KCNN3: variants seen among roughly 807,000 people sequenced by gnomAD.
KCNN3 encodes small conductance calcium-activated potassium channel protein 3.
A neutral mutation model predicts 62.9 loss-of-function variants in KCNN3; 16 were observed. The ratio of observed to expected loss-of-function variants is 0.25; its 90% confidence interval spans 0.17 to 0.39. KCNN3 has a LOEUF of 0.39. Among genes scored for constraint, KCNN3 ranks in the 10% least tolerant of loss-of-function variants. The pLI is 1.00. For missense variants in KCNN3, 599 were observed against 949.4 expected (o/e 0.63, Z 4.85); for synonymous variants, 370 against 389.2 (o/e 0.95, Z 0.58).
At chr1:154,836,168 G>A (rs1436015645) in intron 1 of KCNN3, among the ~76,000 whole-genome samples, 1 of 152,126 alleles carries the variant, frequency 6.6e-6, no homozygotes, top group Admixed American at 6.5e-5. Flanking sequence ...ATGCAAACAA[G>A]GACACCCAGC....
At chr1:154,723,152 AAGTC>A (rs779346595) in intron 5 of KCNN3, among the ~76,000 whole-genome samples, 1 of 152,192 alleles carries the variant, frequency 6.6e-6, no homozygotes, top group Non-Finnish European at 1.5e-5. Flanking sequence ...GAGCAGGTCA[AAGTC>A]AGCTCAAACC....
intron 5 of KCNN3, among the ~76,000 whole-genome samples, chr1:154,719,601 C>G (rs2101772569): frequency 6.6e-6 from 1 of 152,280 alleles, no homozygotes; most frequent in Non-Finnish European, 1.5e-5. Flanking sequence ...AGGAGTTACA[C>G]AGGTTGAAAT....
At chr1:154,793,470 A>G (rs1330421429) in intron 2 of KCNN3, among the ~76,000 whole-genome samples, 1 of 152,244 alleles carries the variant, frequency 6.6e-6, no homozygotes, top group Non-Finnish European at 1.5e-5. Flanking sequence ...CAAAGCCACC[A>G]GGCTTGGGAA....
chr1:154,859,661 C>T, intron 1 of KCNN3: 1 of 1,608,370 alleles, frequency 6.2e-7, no homozygotes, highest in African/African-American at 1.3e-5. Context: ...CTTCCTCCTC[C>T]CTACCTACTG....
chr1:154,838,121 A>G (rs1336071143), intron 1 of KCNN3, among the ~76,000 whole-genome samples: 1 of 152,150 alleles, frequency 6.6e-6, no homozygotes, highest in African/African-American at 2.4e-5. Flanking sequence ...TGGATGGACA[A>G]GTACAGAACA....
intron 1 of KCNN3, among the ~76,000 whole-genome samples, chr1:154,838,746 G>T (rs1253697675): frequency 1.3e-5 from 2 of 152,142 alleles, no homozygotes; most frequent in African/African-American, 4.8e-5. Flanking sequence ...TTCTAAGTGC[G>T]TTGAGCATCT....
chr1:154,838,096 T>C (rs1189758484), intron 1 of KCNN3, among the ~76,000 whole-genome samples: 1 of 151,996 alleles, frequency 6.6e-6, no homozygotes, highest in Non-Finnish European at 1.5e-5. Flanking sequence ...CTGACAGGGG[T>C]CAGGCGGCCA....
At chr1:154,835,655 C>G (rs1034345605) in intron 1 of KCNN3, among the ~76,000 whole-genome samples, 1 of 152,192 alleles carries the variant, frequency 6.6e-6, no homozygotes, top group Non-Finnish European at 1.5e-5. Flanking sequence ...CCCTTGGTGA[C>G]TTGAATTTCT....
chr1:154,870,249 G>C lies in KCNN3; in HGVS notation c.-285C>G. On this transcript the variant is annotated 5_prime_UTR_variant, in exon 1 of 8. Coordinates refer to ENST00000271915, the MANE Select transcript of KCNN3 (RefSeq NM_002249.6). ...AGGTGGTCCTCTAGGAGCGTGTGAGGCCAGGCTCAGCTTCACTCCTCGCTG... is the reference window on the plus strand; with the variant it reads ...AGGTGGTCCTCTAGGAGCGTGTGAGCCCAGGCTCAGCTTCACTCCTCGCTG... The C allele has an allele frequency of 1.7e-6, 1 of 605,082 alleles. No homozygotes were observed. The highest frequency in any genetic ancestry group is 3.2e-4 in the Middle Eastern group (1 of 3,082). The allele number at this position is 605,082 out of a possible 1,614,324, so 37.5% of individuals were successfully genotyped here.
chr1:154,711,191 T>C (rs1183231157), intron 7 of KCNN3, among the ~76,000 whole-genome samples: 2 of 151,070 alleles, frequency 1.3e-5, no homozygotes, highest in Non-Finnish European at 2.9e-5. Context: ...ATGTCCTTTG[T>C]AGGGACATGG....
At chr1:154,793,318 C>T (rs1347526056) in intron 2 of KCNN3, among the ~76,000 whole-genome samples, 1 of 152,168 alleles carries the variant, frequency 6.6e-6, no homozygotes, top group African/African-American at 2.4e-5. Flanking sequence ...CAGGAAGGTA[C>T]CCAAATGTCT....
intron 3 of KCNN3, among the ~76,000 whole-genome samples, chr1:154,738,989 G>A (rs1700771367): frequency 6.6e-6 from 1 of 152,146 alleles, no homozygotes; most frequent in Non-Finnish European, 1.5e-5. Context: ...TTGGAGGAGA[G>A]GAAAGGGAGC....
At chr1:154,864,839 G>A (rs908248442) in intron 1 of KCNN3, among the ~76,000 whole-genome samples, 8 of 152,178 alleles carry the variant, frequency 5.3e-5, no homozygotes, top group Non-Finnish European at 1.5e-5. Flanking sequence ...GTTCTGCCTG[G>A]GAGGAGAGAT....
chr1:154,779,831 A>G (rs1453324125), intron 2 of KCNN3, among the ~76,000 whole-genome samples: 2 of 152,236 alleles, frequency 1.3e-5, no homozygotes, highest in East Asian at 3.8e-4. Flanking sequence ...TCAGTTATTC[A>G]GGGATTCTTC....
chr1:154,762,680 A>G (rs1648073555), intron 3 of KCNN3, among the ~76,000 whole-genome samples: 1 of 152,216 alleles, frequency 6.6e-6, no homozygotes, highest in East Asian at 1.9e-4. Flanking sequence ...CAAACACACC[A>G]GTTTTTTCCT....
In KCNN3 at chr1:154,726,843, G is replaced by A. The variant is rs7553032; in HGVS notation, c.1591-817C>T. ...CGATCCTAGTCTGCTCGGTAGGTCC[G>A]TGCCAGGGGAGCCCGGGGGAGGGTG... On this transcript the variant is annotated intron_variant, in intron 4 of 7. Transcript: ENST00000271915. Among the ~76,000 whole-genome samples, 10 of 152,302 alleles carry A rather than the reference G, an allele frequency of 6.6e-5. No individual in the cohort carries two copies. The South Asian group carries it at 1.5e-3, about 22-fold the overall frequency.
intron 1 of KCNN3, among the ~76,000 whole-genome samples, chr1:154,822,582 C>A (rs1327254750): frequency 6.6e-6 from 1 of 152,242 alleles, no homozygotes; most frequent in Non-Finnish European, 1.5e-5. Flanking sequence ...ATGGTTTGGG[C>A]ATCAATATTA....
chr1:154,789,921 T>G (rs530817790), intron 2 of KCNN3, among the ~76,000 whole-genome samples: 1 of 150,904 alleles, frequency 6.6e-6, no homozygotes, highest in African/African-American at 2.4e-5. Context: ...TTGTTTGTTT[T>G]GAGAGACAGA....
rs1298946205 is a variant in KCNN3 at position 154,707,941 on chromosome 1, C to T, written c.*35G>A. 1.2e-6 allele frequency: 2 copies of T among 1,604,212 alleles called. No individual in the cohort carries two copies. Among genetic ancestry groups the T allele is most frequent in the Non-Finnish European group, 1.7e-6 (2 of 1,173,642 alleles). On this transcript the variant is annotated 3_prime_UTR_variant, in exon 8 of 8. Transcript: ENST00000271915. Reference sequence around the variant, plus strand: ...GAGAGAGTTGATTTGCATCTTAAGACCTATGGGTAATGCTTCTGGAGTGGG... The same window carrying T: ...GAGAGAGTTGATTTGCATCTTAAGATCTATGGGTAATGCTTCTGGAGTGGG...
Sources: gnomAD v4.1 joint callset for allele counts (sites outside exome capture counted in the v4.1 genomes callset) on GRCh38, gnomAD v4.1.1 for gene constraint, MANE v1.5 for transcripts, NCBI Gene and HGNC (gene_info 2026-07-23, HGNC 2026-07-21) for gene names.